NCOR1: variants seen among roughly 807,000 people sequenced by gnomAD.
NCOR1 encodes the protein protein phosphatase 1, regulatory subunit 109.
In NCOR1, 63 loss-of-function variants were observed where a neutral mutation model predicts 288.1. The ratio of observed to expected loss-of-function variants is 0.22; its 90% CI spans 0.18 to 0.27. The LOEUF (loss-of-function observed/expected upper bound fraction) is 0.27. Among genes scored for constraint, NCOR1 ranks in the 10% least tolerant of loss-of-function variants. NCOR1 has a pLI of 1.00. For synonymous variants in NCOR1, 1,007 were observed against 1,065.9 expected (o/e 0.94, Z 1.08); for missense variants, 2,397 against 3,019.2 (o/e 0.79, Z 4.83).
chr17:16,108,349 G>T, intron 19 of NCOR1: 5 of 211,682 alleles, frequency 2.4e-5, no homozygotes, highest in Middle Eastern at 1.1e-3. Flanking sequence ...TAAGTTTCGT[G>T]TTTTTTTTTT....
chr17:16,185,221 A>T (rs1018180599), intron 3 of NCOR1, among the ~76,000 whole-genome samples: 1 of 152,126 alleles, frequency 6.6e-6, no homozygotes, highest in Non-Finnish European at 1.5e-5. Context: ...ATGATAAATG[A>T]GTAGATTTTA....
chr17:16,212,271 G>GA (rs113134967), intron 1 of NCOR1, among the ~76,000 whole-genome samples: 20 of 138,438 alleles, frequency 1.4e-4, no homozygotes, highest in African/African-American at 5.1e-4. Flanking sequence ...TGTCTCAAAG[G>GA]AAAAAAAAAG....
intron 9 of NCOR1, among the ~76,000 whole-genome samples, chr17:16,149,089 A>G (rs1016649405): frequency 2.6e-5 from 4 of 152,110 alleles, no homozygotes; most frequent in African/African-American, 9.6e-5. Context: ...AAGAAAGAAT[A>G]GTAATGTCTC....
Position 16,071,643 on chromosome 17 carries a change from T to C in NCOR1, c.3918A>G (p.Glu1306=). Residue 1306 remains glutamate (E), a synonymous_variant, in exon 30 of 46, where the codon GAA becomes GAG. Transcript: ENST00000268712. ...GATATTTAAGGCCATCTTCAAAGCT[T>C]TCAGTTGTTGCTCTTGGTGTCCCTT... The part of the protein sequence containing the change: ...IMQGTPRATT[E]SFEDGLKYPK... 1 of 1,613,064 alleles carries C rather than the reference T, an allele frequency of 6.2e-7. No individual in the cohort carries two copies. Among genetic ancestry groups the C allele is most frequent in the Non-Finnish European group, 8.5e-7 (1 of 1,179,666 alleles).
chr17:16,058,726 G>A, intron 37 of NCOR1, 127 bp from the exon 38 acceptor site: 1 of 1,005,916 alleles, frequency 9.9e-7, no homozygotes, highest in South Asian at 2.0e-5. Flanking sequence ...AGGTTAATGA[G>A]GGTTTTCTGA....
At chr17:16,172,397 T>C (rs961442820) in intron 3 of NCOR1, among the ~76,000 whole-genome samples, 5 of 151,962 alleles carry the variant, frequency 3.3e-5, no homozygotes, top group African/African-American at 1.2e-4. Flanking sequence ...TAAAAACTAA[T>C]CTAGAAGTGA....
At chr17:16,036,381 T>G (rs984234831) in intron 44 of NCOR1, among the ~76,000 whole-genome samples, 3 of 152,218 alleles carry the variant, frequency 2.0e-5, no homozygotes, top group Non-Finnish European at 4.4e-5. Flanking sequence ...CAAGCATAAT[T>G]CTTAAGTGGC....
In NCOR1 at chr17:16,143,315, C is replaced by A. The variant is rs1233921514; in HGVS notation, c.1173+291G>T. On this transcript the variant is annotated intron_variant, in intron 11 of 45. Coordinates refer to ENST00000268712, the MANE Select transcript of NCOR1 (RefSeq NM_006311.4). ...CCATTCTACCTTTCTATTACACTCG[C>A]CTATACATCCCTACCACTGTTGCCC... Among the ~76,000 whole-genome samples the A allele has an allele frequency of 2.0e-5, 3 of 152,162 alleles. No homozygotes were observed. In the East Asian group the frequency reaches 5.8e-4, roughly 29 times the overall value.
intron 18 of NCOR1, among the ~76,000 whole-genome samples, chr17:16,113,945 T>TA (rs1236700029): frequency 2.0e-5 from 3 of 151,854 alleles, no homozygotes; most frequent in African/African-American, 7.3e-5. Flanking sequence ...TTTGGTATAT[T>TA]AAAAAAACAT....
rs186336328 is a variant in NCOR1 at position 16,102,824 on chromosome 17, C to T, written c.2183-1067G>A. ...GCCCAGGCTGGTCTTGAACTCCTGA[C>T]GTCAGGTGATCCGCCTGCCTTGGCC... On this transcript the variant is annotated intron_variant, in intron 19 of 45. Transcript: ENST00000268712. Among the ~76,000 whole-genome samples the T allele has an allele frequency of 3.9e-5, 6 of 152,262 alleles. No homozygotes were observed. In the East Asian group the frequency reaches 1.2e-3, roughly 29 times the overall value.
At chr17:16,075,165 C>A (rs1159352061) in intron 27 of NCOR1, among the ~76,000 whole-genome samples, 3 of 152,164 alleles carry the variant, frequency 2.0e-5, no homozygotes, top group Non-Finnish European at 4.4e-5. Context: ...GCGTGAACCA[C>A]CGCGCCCAGC....
intron 1 of NCOR1, among the ~76,000 whole-genome samples, 157 bp downstream of exon 1, chr17:16,215,205 G>A (rs1000164039): frequency 1.3e-5 from 2 of 152,166 alleles, no homozygotes; most frequent in African/African-American, 2.4e-5. Context: ...AGTGGAAGAG[G>A]CCAGGCGGCC....
intron 10 of NCOR1, among the ~76,000 whole-genome samples, chr17:16,145,860 G>T (rs368652958): frequency 1.8e-4 from 28 of 152,214 alleles, no homozygotes; most frequent in African/African-American, 6.3e-4. Flanking sequence ...AGAGAGGGGG[G>T]GAAATGTGGC....
At chr17:16,192,947 C>G (rs989002401) in intron 2 of NCOR1, among the ~76,000 whole-genome samples, 1 of 152,034 alleles carries the variant, frequency 6.6e-6, no homozygotes, top group East Asian at 1.9e-4. Context: ...CAGAATAGTT[C>G]CCATGAAGCT....
intron 1 of NCOR1, among the ~76,000 whole-genome samples, chr17:16,211,773 T>C (rs1034102328): frequency 1.3e-5 from 2 of 151,788 alleles, no homozygotes; most frequent in African/African-American, 4.8e-5. Flanking sequence ...AGAAGAACAG[T>C]ATAAGTGTTC....
At chr17:16,037,334 C>T (rs1487561514) in intron 44 of NCOR1, among the ~76,000 whole-genome samples, 3 of 151,934 alleles carry the variant, frequency 2.0e-5, no homozygotes, top group African/African-American at 7.3e-5. Flanking sequence ...ATGACACAGA[C>T]ACAAAGGAGA....
chr17:16,105,720 AAAACAAACAAAC>A (rs34862194), intron 19 of NCOR1, among the ~76,000 whole-genome samples: 5 of 150,978 alleles, frequency 3.3e-5, no homozygotes, highest in Admixed American at 1.3e-4. Flanking sequence ...AAGTCTCCAA[AAAACAAACAAAC>A]AAACAAACAA....
chr17:16,207,743 A>C (rs1403515795), intron 1 of NCOR1, among the ~76,000 whole-genome samples: 1 of 150,164 alleles, frequency 6.7e-6, no homozygotes, highest in Non-Finnish European at 1.5e-5. Flanking sequence ...CATCTCCAAA[A>C]AAAAAAAAAA....
At position 16,143,684 on chromosome 17, in the gene NCOR1, C is replaced by T; in HGVS notation, c.1095G>A (p.Arg365=). ...QQERFQRVGQ[R]GAGLSATIAR... is the part of the protein sequence containing the mutation. ...CAATGGTGGCTGAAAGACCAGCTCC[C>T]CTCTGCCCAACTCTAAACATGAGGG... is the stretch of plus-strand genomic sequence containing the variant. Residue 365 remains arginine (R), a synonymous_variant, in exon 11 of 46, where the codon AGG becomes AGA. Coordinates refer to ENST00000268712, the MANE Select transcript of NCOR1 (RefSeq NM_006311.4). 6.2e-7 allele frequency: 1 copy of T among 1,613,240 alleles called. No individual in the cohort carries two copies. Among genetic ancestry groups the T allele is most frequent in the Non-Finnish European group, 8.5e-7 (1 of 1,179,386 alleles).
Sources: gnomAD v4.1 joint callset for allele counts (sites outside exome capture counted in the v4.1 genomes callset) on GRCh38, gnomAD v4.1.1 for gene constraint, MANE v1.5 for transcripts, NCBI Gene and HGNC (gene_info 2026-07-23, HGNC 2026-07-21) for gene names.